The following PTGR1 variants were observed in gnomAD, a reference collection of about 807,000 sequenced individuals.
PTGR1 encodes prostaglandin reductase 1.
Under a neutral mutation model 37.7 loss-of-function variants are expected in PTGR1, and 23 were observed. The ratio of observed to expected loss-of-function variants is 0.61; its 90% confidence interval spans 0.44 to 0.86. The LOEUF (loss-of-function observed/expected upper bound fraction) is 0.86, where lower values mean the gene tolerates loss of function less well. PTGR1 is among the 40% of genes least tolerant of loss of function. The pLI is 0.00. For missense variants in PTGR1, 351 were observed against 394.3 expected (o/e 0.89, Z 0.93); for synonymous variants, 134 against 140.0 (o/e 0.96, Z 0.30).
At chr9:111,596,751 G>C (rs1437373465) in intron 2 of PTGR1, among the ~76,000 whole-genome samples, 3 of 151,106 alleles carry the variant, frequency 2.0e-5, no homozygotes, top group Non-Finnish European at 4.4e-5. Context: ...GACAGAGCAA[G>C]ACTCCATCTC....
At chr9:111,594,950 G>A (rs1249524826) in intron 2 of PTGR1, among the ~76,000 whole-genome samples, 1 of 148,670 alleles carries the variant, frequency 6.7e-6, no homozygotes, top group Admixed American at 6.8e-5. Flanking sequence ...CATCTCCCAG[G>A]TTCAAGTGAT....
At chr9:111,576,517 T>C in intron 7 of PTGR1, 2 of 1,508,388 alleles carry the variant, frequency 1.3e-6, no homozygotes, top group Non-Finnish European at 1.8e-6. Flanking sequence ...AAGAGCTGGA[T>C]GGAGTATGAA....
At chr9:111,587,680 G>C (rs1294184857) in intron 4 of PTGR1, among the ~76,000 whole-genome samples, 2 of 152,104 alleles carry the variant, frequency 1.3e-5, no homozygotes, top group East Asian at 3.9e-4. Flanking sequence ...TTGATCTCTT[G>C]ACCTCGTGAT....
intron 2 of PTGR1, among the ~76,000 whole-genome samples, chr9:111,596,332 C>G (rs1243996592): frequency 6.6e-6 from 1 of 152,170 alleles, no homozygotes; most frequent in South Asian, 2.1e-4. Context: ...AGGGCTTGCA[C>G]AGCGGGGCAT....
rs1165363801 is a variant in PTGR1, at chr9:111,570,593, AC to A, written c.761-385del. 3.3e-5 allele frequency among the ~76,000 whole-genome samples: 5 copies of A among 150,958 alleles called. 1 individual carries two copies. Among genetic ancestry groups the A allele is most frequent in the Non-Finnish European group, 7.4e-5 (5 of 67,788 alleles). On this transcript the variant is annotated intron_variant, in intron 8 of 9. Coordinates refer to ENST00000407693, the MANE Select transcript of PTGR1 (RefSeq NM_001146108.2). Reference sequence around the variant, plus strand: ...AGACCAGCCTGGCCAACATAGTGAAACCCCCGTCTCTTCTAAAAATTAAAAA... The same window carrying A: ...AGACCAGCCTGGCCAACATAGTGAAACCCCGTCTCTTCTAAAAATTAAAAA...
chr9:111,554,180 G>A (rs2132290322), intron 9 of PTGR1, among the ~76,000 whole-genome samples: 1 of 152,224 alleles, frequency 6.6e-6, no homozygotes, highest in East Asian at 1.9e-4. Context: ...TTATGTTATT[G>A]GAACTAACTA....
chr9:111,557,517 C>T (rs989539983), intron 9 of PTGR1, among the ~76,000 whole-genome samples: 7 of 151,902 alleles, frequency 4.6e-5, no homozygotes, highest in Non-Finnish European at 8.8e-5. Context: ...GTGATCTCAG[C>T]TCTCTGCAAC....
At chr9:111,560,858 G>T (rs1350016929), downstream of PTGR1, among the ~76,000 whole-genome samples, 1 of 147,956 alleles carries the variant, frequency 6.8e-6, no homozygotes. Context: ...CAGGAGAATC[G>T]CTTGAAGCCG....
chr9:111,598,224 G>A (rs1829841061), intron 1 of PTGR1, among the ~76,000 whole-genome samples: 1 of 152,206 alleles, frequency 6.6e-6, no homozygotes, highest in African/African-American at 2.4e-5. Flanking sequence ...AGCAAGGGAA[G>A]ATGATGAAGG....
At position 111,578,905 on chromosome 9, in the gene PTGR1, T is replaced by C. The variant is rs766643486; in HGVS notation, c.542A>G (p.Tyr181Cys). Residue 181 changes from tyrosine (Y) to cysteine (C), a missense_variant, in exon 7 of 10, where the codon TAC becomes TGC. Tyr to Cys is a radical substitution (Grantham distance 194). Coordinates refer to ENST00000407693, the MANE Select transcript of PTGR1 (RefSeq NM_001146108.2). ...GAVGSDEKVA[Y>C]LQKLGFDVVF... ...GACATCAAATCCAAGCTTTTGAAGG[T>C]AGGCAACCTTTTCATCAGACCCTAC... is the stretch of plus-strand genomic sequence containing the variant. 6.2e-6 allele frequency: 10 copies of C among 1,611,570 alleles called. No homozygotes were observed. The highest frequency in any genetic ancestry group is 2.2e-5 in the East Asian group (1 of 44,828).
intron 9 of PTGR1, among the ~76,000 whole-genome samples, chr9:111,565,667 G>T (rs1377891250): frequency 2.0e-5 from 3 of 152,034 alleles, no homozygotes; most frequent in African/African-American, 7.3e-5. Flanking sequence ...GGGACTACAG[G>T]TGTGCACCAC....
chr9:111,579,223 C>T lies in PTGR1; in HGVS notation c.496-272G>A, dbSNP rs1013397509. 4.6e-5 allele frequency among the ~76,000 whole-genome samples: 7 copies of T among 151,814 alleles called. No individual in the cohort carries two copies. In the East Asian group the frequency reaches 9.6e-4, roughly 21 times the overall value. ...TAGTTCCACCAGCTGGTTTCACAAC[C>T]GATCCATTTGACTTCCTTGGTTCTT... is the stretch of plus-strand genomic sequence containing the variant. On this transcript the variant is annotated intron_variant, in intron 6 of 9. Coordinates refer to ENST00000407693, the MANE Select transcript of PTGR1 (RefSeq NM_001146108.2).
chr9:111,581,704 T>C (rs1486813460), intron 6 of PTGR1, among the ~76,000 whole-genome samples: 1 of 152,100 alleles, frequency 6.6e-6, no homozygotes, highest in African/African-American at 2.4e-5. Flanking sequence ...ACTTCTGAGC[T>C]CAAGGGATCC....
intron 5 of PTGR1, 22 bp downstream of exon 5, chr9:111,585,976 G>A: frequency 6.2e-7 from 1 of 1,610,566 alleles, no homozygotes; most frequent in Middle Eastern, 1.7e-4. Flanking sequence ...TCAAACAAAT[G>A]GAATATATCC....
intron 8 of PTGR1, among the ~76,000 whole-genome samples, chr9:111,573,416 C>T (rs541783092): frequency 6.6e-6 from 1 of 152,208 alleles, no homozygotes; most frequent in Non-Finnish European, 1.5e-5. Flanking sequence ...CTAGCCCCCC[C>T]ATCTCCATAC....
chr9:111,594,683 T>C (rs1346756240), intron 2 of PTGR1, among the ~76,000 whole-genome samples: 1 of 150,620 alleles, frequency 6.6e-6, no homozygotes, highest in Non-Finnish European at 1.5e-5. Context: ...CCTGAGTAGC[T>C]GGGACTACAG....
At chr9:111,555,941 C>T (rs1828109693) in intron 9 of PTGR1, among the ~76,000 whole-genome samples, 1 of 152,198 alleles carries the variant, frequency 6.6e-6, no homozygotes, top group South Asian at 2.1e-4. Context: ...AGTCTTAACT[C>T]ATTCTAGCAT....
chr9:111,585,001 ATTGTTAAGCCAC>A (rs1297988439), intron 5 of PTGR1, among the ~76,000 whole-genome samples: 1 of 152,070 alleles, frequency 6.6e-6, no homozygotes, highest in Admixed American at 6.6e-5. Flanking sequence ...CATTATAGTG[ATTGTTAAGCCAC>A]TTGCAGAATT....
intron 9 of PTGR1, among the ~76,000 whole-genome samples, chr9:111,554,983 AG>A (rs1828079627): frequency 6.6e-6 from 1 of 152,124 alleles, no homozygotes; most frequent in Non-Finnish European, 1.5e-5. Flanking sequence ...ATTTCTCCAG[AG>A]GTCTGCTCTT....
Sources: gnomAD v4.1 joint callset for allele counts (sites outside exome capture counted in the v4.1 genomes callset) on GRCh38, gnomAD v4.1.1 for gene constraint, MANE v1.5 for transcripts, NCBI Gene and HGNC (gene_info 2026-07-23, HGNC 2026-07-21) for gene names.